The following ENPP4 variants were observed in gnomAD, a reference collection of about 807,000 sequenced individuals.
ENPP4 encodes ectonucleotide pyrophosphatase/phosphodiesterase 4.
Under a neutral mutation model 33.4 loss-of-function variants are expected in ENPP4, and 18 were observed. That is an observed-to-expected ratio of 0.54 (90% CI 0.37 to 0.80). The LOEUF (loss-of-function observed/expected upper bound fraction) is 0.80, where lower values mean the gene tolerates loss of function less well. Ranked by LOEUF, ENPP4 falls within the 30% of genes least tolerant of loss-of-function variation. The pLI is 0.00. For synonymous variants in ENPP4, 172 were observed against 189.9 expected, an observed-to-expected ratio of 0.91 and a Z score of 0.78; for missense variants, 480 against 541.7, an observed-to-expected ratio of 0.89 and a Z score of 1.13.
intron 1 of ENPP4, among the ~76,000 whole-genome samples, chr6:46,136,229 C>A (rs757746900): frequency 1.8e-4 from 27 of 151,934 alleles, no homozygotes; most frequent in Admixed American, 3.3e-4. Context: ...TATTTTGGTT[C>A]TTTATGCTCC....
chr6:46,142,571 T>C (rs1764083086), intron 3 of ENPP4, among the ~76,000 whole-genome samples: 1 of 150,638 alleles, frequency 6.6e-6, no homozygotes, highest in Non-Finnish European at 1.5e-5. Context: ...ATGAAATATT[T>C]CAAACATACC....
chr6:46,140,524 C>G, intron 2 of ENPP4, 115 bp downstream of exon 2: 1 of 640,406 alleles, frequency 1.6e-6, no homozygotes. Flanking sequence ...ACCATATACT[C>G]AGAGTGGGAT....
chr6:46,141,161 G>A lies in ENPP4; in HGVS notation c.936G>A (p.Gln312=). ...ATTACCAACATAATGATCGAATTCA[G>A]CCCATTATTTTGGTTGCCGATGAAG... The part of the protein sequence containing the change: ...RFYYQHNDRI[Q]PIILVADEGW... Residue 312 remains glutamine, a synonymous_variant, in exon 3 of 4, where the codon CAG becomes CAA. Coordinates refer to ENST00000321037, the MANE Select transcript of ENPP4 (RefSeq NM_014936.5). 6.2e-7 allele frequency: 1 copy of A among 1,609,416 alleles called. No homozygotes were observed. The highest frequency in any genetic ancestry group is 8.5e-7 in the Non-Finnish European group (1 of 1,176,900).
chr6:46,143,735 G>C lies in ENPP4; in HGVS notation c.*95G>C. ...TTGTAACTATGAAAAAGAATACTTT[G>C]AAAGACAAAGAACTTAGACTAAGCA... On this transcript the variant is annotated 3_prime_UTR_variant, in exon 4 of 4. Transcript: ENST00000321037. The C allele has an allele frequency of 8.1e-7, 1 of 1,238,112 alleles. No homozygotes were observed. The highest frequency in any genetic ancestry group is 1.5e-5 in the South Asian group (1 of 65,140). The allele number at this position is 1,238,112 out of a possible 1,614,324, so 76.7% of individuals were successfully genotyped here.
chr6:46,138,094 C>CTGA (rs1236651494), intron 1 of ENPP4, among the ~76,000 whole-genome samples: 1 of 151,792 alleles, frequency 6.6e-6, no homozygotes, highest in Non-Finnish European at 1.5e-5. Flanking sequence ...TGAAATAATG[C>CTGA]ATTCACTTGT....
At chr6:46,132,885 G>A (rs1562058308) in intron 1 of ENPP4, among the ~76,000 whole-genome samples, 1 of 151,822 alleles carries the variant, frequency 6.6e-6, no homozygotes, top group Non-Finnish European at 1.5e-5. Flanking sequence ...TTGTAAGTTG[G>A]ATTCCTAGGT....
At chr6:46,136,991 C>A (rs551141183) in intron 1 of ENPP4, among the ~76,000 whole-genome samples, 1 of 151,974 alleles carries the variant, frequency 6.6e-6, no homozygotes, top group South Asian at 2.1e-4. Context: ...GTCTGATATG[C>A]TGTATTAGAT....
intron 1 of ENPP4, among the ~76,000 whole-genome samples, chr6:46,139,022 G>A (rs745610679): frequency 8.6e-5 from 13 of 151,672 alleles, no homozygotes; most frequent in African/African-American, 2.9e-4. Context: ...TTTCTCAATA[G>A]CATTTATTTC....
In ENPP4 at chr6:46,143,707, GTGT is replaced by G. The variant is rs1581958048; in HGVS notation, c.*71_*73del. The G allele has an allele frequency of 2.1e-6, 3 of 1,398,594 alleles. No individual in the cohort carries two copies. 86.6% of individuals were successfully genotyped at this position (1,398,594 alleles called of 1,614,324 possible). A position where few individuals can be genotyped will look rare whatever the true frequency, so the allele number is the denominator to read the frequency against. On this transcript the variant is annotated 3_prime_UTR_variant, in exon 4 of 4. Transcript: ENST00000321037. ...AAACTAAGAATACATCCAAAGAATA[GTGT>G]TGTAACTATGAAAAAGAATACTTTG... is the stretch of plus-strand genomic sequence containing the variant.
chr6:46,134,853 C>A (rs1429126367), intron 1 of ENPP4, among the ~76,000 whole-genome samples: 1 of 151,772 alleles, frequency 6.6e-6, no homozygotes, highest in Non-Finnish European at 1.5e-5. Context: ...TACCCATTTC[C>A]CCCCCAACCC....
At chr6:46,134,154 A>G (rs1362208365) in intron 1 of ENPP4, among the ~76,000 whole-genome samples, 1 of 152,016 alleles carries the variant, frequency 6.6e-6, no homozygotes, top group Non-Finnish European at 1.5e-5. Flanking sequence ...TTTTTTCCCA[A>G]CATCTTTGTA....
intron 1 of ENPP4, among the ~76,000 whole-genome samples, chr6:46,138,230 C>T (rs1255497799): frequency 6.6e-6 from 1 of 151,888 alleles, no homozygotes; most frequent in Non-Finnish European, 1.5e-5. Flanking sequence ...TTACTTACAT[C>T]TGTCAGTTTC....
At chr6:46,133,324 G>C (rs1763930388) in intron 1 of ENPP4, among the ~76,000 whole-genome samples, 1 of 152,006 alleles carries the variant, frequency 6.6e-6, no homozygotes, top group African/African-American at 2.4e-5. Flanking sequence ...TTTTTCCTTA[G>C]ACTATAAGAA....
At chr6:46,141,277 T>C (rs1054175144) in intron 3 of ENPP4, 55 bp downstream of exon 3, 24 of 1,305,318 alleles carry the variant, frequency 1.8e-5, no homozygotes, top group Non-Finnish European at 2.4e-5. Flanking sequence ...TCATACCTTG[T>C]GATACTGTTG....
chr6:46,141,194 A>G lies in ENPP4; in HGVS notation c.969A>G (p.Thr323=). The G allele has an allele frequency of 6.2e-7, 1 of 1,608,314 alleles. No homozygotes were observed. The highest frequency in any genetic ancestry group is 8.5e-7 in the Non-Finnish European group (1 of 1,176,474). The change falls in exon 3 of 4, where the codon ACA becomes ACG. Residue 323 remains threonine (T), a synonymous_variant. Transcript: ENST00000321037. ...PIILVADEGW[T]IVLNESSQKL... ...TTTTGGTTGCCGATGAAGGCTGGAC[A>G]ATTGTGCTAAATGAATCATCACAAA...
intron 1 of ENPP4, among the ~76,000 whole-genome samples, chr6:46,134,158 C>G (rs1220027375): frequency 6.6e-6 from 1 of 151,962 alleles, no homozygotes. Flanking sequence ...TTCCCAACAT[C>G]TTTGTAACTA....
At chr6:46,135,203 T>C (rs968217849) in intron 1 of ENPP4, among the ~76,000 whole-genome samples, 3 of 152,094 alleles carry the variant, frequency 2.0e-5, no homozygotes, top group African/African-American at 7.2e-5. Flanking sequence ...TACCTAATAG[T>C]AGAATTGCTG....
At position 46,143,289 on chromosome 6, in the gene ENPP4, T is replaced by G. The variant is rs1307493682; in HGVS notation, c.1011T>G (p.Gly337=). 1.9e-6 allele frequency: 3 copies of G among 1,581,154 alleles called. No homozygotes were observed. Among genetic ancestry groups the G allele is most frequent in the Non-Finnish European group, 1.7e-6 (2 of 1,159,290 alleles). ...NESSQKLGDH[G]YDNSLPSMHP... ...GTTCTTTTTCAGTAGGTGACCATGGTTATGATAATTCTTTGCCTAGTATGC... is the reference window on the plus strand; with the variant it reads ...GTTCTTTTTCAGTAGGTGACCATGGGTATGATAATTCTTTGCCTAGTATGC... The change falls in exon 4 of 4, where the codon GGT becomes GGG. Residue 337 remains glycine, a synonymous_variant. Transcript: ENST00000321037.
Position 46,139,660 on chromosome 6 carries a change from C to G in ENPP4, c.77C>G (p.Pro26Arg), listed in dbSNP as rs1483487520. The part of the protein sequence containing the change: ...FRSDSSSSLP[P>R]KLLLVSFDGF... ...AGTGACTCTTCCTCTAGTTTGCCAC[C>G]TAAGTTACTACTAGTATCCTTTGAT... The change falls in exon 2 of 4, where the codon CCT becomes CGT. Residue 26 changes from proline (P) to arginine (R), a missense_variant. Physicochemically the swap from Pro to Arg is moderately radical, Grantham distance 103 (BLOSUM62 -2). Coordinates refer to ENST00000321037, the MANE Select transcript of ENPP4 (RefSeq NM_014936.5). 23 of 1,611,014 alleles carry G rather than the reference C, an allele frequency of 1.4e-5. No individual in the cohort carries two copies. Among genetic ancestry groups the G allele is most frequent in the East Asian group, 2.2e-5 (1 of 44,858 alleles).
Sources: allele counts gnomAD v4.1 joint callset (sites outside exome capture counted in the v4.1 genomes callset), GRCh38; gene constraint gnomAD v4.1.1; transcripts MANE v1.5; gene names NCBI Gene and HGNC (gene_info 2026-07-23, HGNC 2026-07-21).